PRDM11: variants seen among roughly 807,000 people sequenced by gnomAD.
PRDM11 encodes PR/SET domain 11, also known as PR domain-containing protein 11.
PRDM11 carries 20 observed loss-of-function variants against 97.8 expected under a neutral mutation model. The ratio of observed to expected loss-of-function variants is 0.20; its 90% CI spans 0.14 to 0.30. The LOEUF (loss-of-function observed/expected upper bound fraction) is 0.30. Ranked by LOEUF, PRDM11 falls within the 10% of genes least tolerant of loss-of-function variation. The pLI, the probability that PRDM11 is intolerant of heterozygous loss-of-function variation, is 1.00. For synonymous variants in PRDM11, 599 were observed against 637.7 expected (o/e 0.94, Z 0.91); for missense variants, 1,139 against 1,555.2 (o/e 0.73, Z 4.50).
intron 1 of PRDM11, among the ~76,000 whole-genome samples, chr11:45,166,385 G>A (rs1482235099): frequency 6.6e-6 from 1 of 152,172 alleles, no homozygotes; most frequent in African/African-American, 2.4e-5. Context: ...CAGAGCCCCA[G>A]AATTGTAGCT....
At chr11:45,188,705 G>A (rs1309373593) in intron 4 of PRDM11, among the ~76,000 whole-genome samples, 1 of 152,184 alleles carries the variant, frequency 6.6e-6, no homozygotes, top group Non-Finnish European at 1.5e-5. Flanking sequence ...GGAAAGACAT[G>A]CCCCTTGCTC....
At chr11:45,210,023 G>C (rs929641415) in intron 5 of PRDM11, among the ~76,000 whole-genome samples, 3 of 152,210 alleles carry the variant, frequency 2.0e-5, no homozygotes, top group African/African-American at 7.2e-5. Context: ...GCACGTTCCA[G>C]GAACAGTGAG....
chr11:45,114,807 T>C (rs1190114794), intron 1 of PRDM11, among the ~76,000 whole-genome samples: 1 of 151,996 alleles, frequency 6.6e-6, no homozygotes, highest in Non-Finnish European at 1.5e-5. Flanking sequence ...ATACCATCTT[T>C]AATGTGCTGA....
At chr11:45,193,502 G>T (rs907533855) in intron 4 of PRDM11, among the ~76,000 whole-genome samples, 8 of 152,188 alleles carry the variant, frequency 5.3e-5, no homozygotes, top group African/African-American at 4.8e-5. Flanking sequence ...CTGTCTCAAT[G>T]ACTCAATTCT....
At chr11:45,202,244 C>T (rs532120806) in intron 4 of PRDM11, among the ~76,000 whole-genome samples, 58 of 152,352 alleles carry the variant, frequency 3.8e-4, no homozygotes, top group Non-Finnish European at 7.3e-5. Context: ...AGGGCAGCCA[C>T]GTGCTTTGCA....
intron 1 of PRDM11, among the ~76,000 whole-genome samples, chr11:45,166,292 C>T (rs1159846144): frequency 6.6e-6 from 1 of 152,180 alleles, no homozygotes; most frequent in East Asian, 1.9e-4. Flanking sequence ...GTTGGCTGTG[C>T]CCCTGCCCAC....
intron 1 of PRDM11, among the ~76,000 whole-genome samples, chr11:45,106,921 T>C (rs1852072116): frequency 6.6e-6 from 1 of 152,228 alleles, no homozygotes; most frequent in Non-Finnish European, 1.5e-5. Flanking sequence ...GATTGAGCAC[T>C]GAGTGAAAAA....
At chr11:45,110,885 G>C (rs1255047509) in intron 1 of PRDM11, among the ~76,000 whole-genome samples, 2 of 152,172 alleles carry the variant, frequency 1.3e-5, no homozygotes, top group Non-Finnish European at 1.5e-5. Context: ...AAAACTTGGA[G>C]AAGACAATCA....
intron 6 of PRDM11, 38 bp from the exon 7 acceptor site, chr11:45,224,178 GT>G: frequency 6.5e-7 from 1 of 1,527,288 alleles, no homozygotes; most frequent in Non-Finnish European, 8.8e-7. Flanking sequence ...CAATTTGGGG[GT>G]TTTCCCCATT....
rs771959224 is a variant in PRDM11, at chr11:45,181,899, G to T, written c.119+14G>T. The T allele has an allele frequency of 3.2e-5, 52 of 1,606,536 alleles. No homozygotes were observed. Among genetic ancestry groups the T allele is most frequent in the Middle Eastern group, 1.7e-4 (1 of 6,034 alleles). ...TGGCCAGCCCTGGTGAGGCCCCTGT[G>T]TGGGAACTGGAGAGGGAGAAGTGGG... On this transcript the variant is annotated intron_variant, in intron 2 of 7. Transcript: ENST00000683152.
At chr11:45,147,383 G>C (rs572507969) in intron 1 of PRDM11, 1 of 152,316 alleles carries the variant, frequency 6.6e-6, no homozygotes, top group Admixed American at 6.5e-5. Context: ...GGGGGCTGCT[G>C]CGGGGTGCTC....
Position 45,134,701 on chromosome 11 carries a change from G to GAAAAAAAAAAAAAAAAAAAAA in PRDM11, c.96+38805_96+38825dup, listed in dbSNP as rs1191008824. Among the ~76,000 whole-genome samples, 23 of 44,266 alleles carry GAAAAAAAAAAAAAAAAAAAAA rather than the reference G, an allele frequency of 5.2e-4. 1 individual carries two copies. The highest frequency in any genetic ancestry group is 1.8e-3 in the African/African-American group (17 of 9,402). The allele number at this position is 44,266 out of a possible 152,430, so 29.0% of individuals were successfully genotyped here. Reference sequence around the variant, plus strand: ...GCAACAGAGTGAGACCCTGTCTCACGAAAAAAAAAAAAAAAAAAAAAAAAA... The same window carrying GAAAAAAAAAAAAAAAAAAAAA: ...GCAACAGAGTGAGACCCTGTCTCACGAAAAAAAAAAAAAAAAAAAAAAAAAAAAAAAAAAAAAAAAAAAAAA... On this transcript the variant is annotated intron_variant, in intron 1 of 6. Coordinates refer to the PRDM11 transcript ENST00000530656.
intron 1 of PRDM11, among the ~76,000 whole-genome samples, chr11:45,098,165 G>A (rs576777669): frequency 6.6e-6 from 1 of 152,376 alleles, no homozygotes; most frequent in Admixed American, 6.5e-5. Context: ...CACCACAGCT[G>A]ATGGAGGGGA....
intron 1 of PRDM11, among the ~76,000 whole-genome samples, chr11:45,156,954 T>C (rs951810873): frequency 6.6e-6 from 1 of 151,940 alleles, no homozygotes; most frequent in Admixed American, 6.6e-5. Flanking sequence ...CATGGGTGTT[T>C]AGAGAAGCAG....
intron 1 of PRDM11, among the ~76,000 whole-genome samples, chr11:45,173,490 C>T (rs1003560700): frequency 3.3e-5 from 5 of 151,984 alleles, no homozygotes; most frequent in Admixed American, 2.0e-4. Flanking sequence ...GGCGTGGTGG[C>T]GCACGGCTGT....
At chr11:45,113,323 A>G (rs998073253) in intron 1 of PRDM11, among the ~76,000 whole-genome samples, 1 of 152,174 alleles carries the variant, frequency 6.6e-6, no homozygotes, top group Non-Finnish European at 1.5e-5. Context: ...GTGTGTTTTT[A>G]TACCAGTACT....
At chr11:45,107,332 G>T (rs1852079411) in intron 1 of PRDM11, among the ~76,000 whole-genome samples, 1 of 152,106 alleles carries the variant, frequency 6.6e-6, no homozygotes, top group Admixed American at 6.5e-5. Flanking sequence ...TGCAAAACGG[G>T]GCTAATTATA....
At chr11:45,114,064 T>G (rs529239598) in intron 1 of PRDM11, among the ~76,000 whole-genome samples, 1 of 151,986 alleles carries the variant, frequency 6.6e-6, no homozygotes, top group Non-Finnish European at 1.5e-5. Flanking sequence ...TGAATAGAAG[T>G]GGTAAAAATG....
intron 4 of PRDM11, among the ~76,000 whole-genome samples, chr11:45,203,422 T>C (rs962324049): frequency 6.8e-6 from 1 of 147,788 alleles, no homozygotes; most frequent in African/African-American, 2.5e-5. Flanking sequence ...AAAATAAAGG[T>C]ACTCATTAAA....
Sources: allele counts gnomAD v4.1 joint callset (sites outside exome capture counted in the v4.1 genomes callset), GRCh38; gene constraint gnomAD v4.1.1; transcripts MANE v1.5; gene names NCBI Gene and HGNC (gene_info 2026-07-23, HGNC 2026-07-21).